Variants in RGP1 observed in about 807,000 individuals in gnomAD.
The protein encoded by RGP1 is RAB6A-GEF complex partner protein 2.
Under a neutral mutation model 44.5 loss-of-function variants are expected in RGP1, and 28 were observed. The observed-to-expected ratio is 0.63, with a 90% CI of 0.47 to 0.86. RGP1 has a LOEUF of 0.86. Among genes scored for constraint, RGP1 ranks in the 40% least tolerant of loss-of-function variants. The probability of loss-of-function intolerance (pLI) is 0.00; values close to 1 mark genes in which losing one functional copy is unlikely to be tolerated. For synonymous variants in RGP1, 212 were observed against 196.7 expected (o/e 1.08, Z -0.65); for missense variants, 417 against 490.7 (o/e 0.85, Z 1.42).
chr9:35,767,372 A>G, the RGP1 span, among the ~76,000 whole-genome samples: 1 of 149,010 alleles, frequency 6.7e-6, no homozygotes, highest in Non-Finnish European at 1.5e-5. Context: ...CCAGAGGACC[A>G]GATACCTTCT....
At chr9:35,752,361 A>G (rs61087814) in intron 8 of RGP1, among the ~76,000 whole-genome samples, 7,619 of 152,104 alleles carry the variant, frequency 0.05, 574 homozygotes, top group African/African-American at 0.17. Context: ...CCTTCCCCAC[A>G]CCTACCTACT....
the RGP1 span, among the ~76,000 whole-genome samples, chr9:35,789,351 G>A: frequency 7.9e-5 from 6 of 76,210 alleles, no homozygotes; most frequent in Admixed American, 3.0e-4. Flanking sequence ...TTTTTTTTTT[G>A]AGACAGGGTC....
At chr9:35,781,407 G>T in the RGP1 span, among the ~76,000 whole-genome samples, 41 of 122,388 alleles carry the variant, frequency 3.4e-4, no homozygotes, top group African/African-American at 1.2e-3. Flanking sequence ...GGGGTGGGGG[G>T]AGGGGGTGGG....
chr9:35,783,232 TATGAA>T, the RGP1 span, among the ~76,000 whole-genome samples: 1 of 152,204 alleles, frequency 6.6e-6, no homozygotes, highest in Admixed American at 6.5e-5. Flanking sequence ...TATACATACT[TATGAA>T]ATACAATGTG....
At chr9:35,786,452 A>G in the RGP1 span, among the ~76,000 whole-genome samples, 55,196 of 152,072 alleles carry the variant, frequency 0.36, 10,518 homozygotes, top group Middle Eastern at 0.51. Flanking sequence ...GAAACTATCT[A>G]TGTACCTAGG....
the RGP1 span, among the ~76,000 whole-genome samples, chr9:35,772,707 C>A: frequency 6.7e-6 from 1 of 150,202 alleles, no homozygotes; most frequent in East Asian, 2.0e-4. Context: ...AGGAGAATGG[C>A]GTGAACCTGG....
chr9:35,770,085 A>T, the RGP1 span, among the ~76,000 whole-genome samples: 1 of 152,214 alleles, frequency 6.6e-6, no homozygotes, highest in East Asian at 1.9e-4. Context: ...AAGTTAAGGG[A>T]TTGTTAATTA....
At position 35,749,799 on chromosome 9, in the gene RGP1, T is replaced by C; in HGVS notation, c.44T>C (p.Leu15Ser). The C allele has an allele frequency of 6.2e-7, 1 of 1,614,000 alleles. No individual in the cohort carries two copies. Among genetic ancestry groups the C allele is most frequent in the South Asian group, 1.1e-5 (1 of 91,084 alleles). ...GAGCTCAGCCGGGGTCCTGTATTTTTGGCTGGGGAGGCGCTGGAGTGTGTA... is the reference window on the plus strand; with the variant it reads ...GAGCTCAGCCGGGGTCCTGTATTTTCGGCTGGGGAGGCGCTGGAGTGTGTA... Reference protein sequence around the residue: ...VAELSRGPVFLAGEALECVVT... With the variant: ...VAELSRGPVFSAGEALECVVT... The change falls in exon 2 of 9, where the codon TTG becomes TCG. Residue 15 changes from leucine to serine, a missense_variant. Coordinates refer to ENST00000378078, the MANE Select transcript of RGP1 (RefSeq NM_001080496.3). The surrounding 1 kb of genome is among the most constrained non-coding windows in gnomAD (Gnocchi z 4.4).
chr9:35,758,742 T>C (rs931191027), downstream of RGP1, among the ~76,000 whole-genome samples: 4 of 152,164 alleles, frequency 2.6e-5, no homozygotes, highest in East Asian at 1.9e-4. Flanking sequence ...TCCTCTACTA[T>C]AAATTCTCTC....
At chr9:35,761,058 G>C (rs1827412285), downstream of RGP1, among the ~76,000 whole-genome samples, 1 of 152,234 alleles carries the variant, frequency 6.6e-6, no homozygotes, top group South Asian at 2.1e-4. Flanking sequence ...TCACAGACCT[G>C]GTAGTAGATT....
chr9:35,779,818 T>C, the RGP1 span, among the ~76,000 whole-genome samples: 1 of 152,158 alleles, frequency 6.6e-6, no homozygotes, highest in Non-Finnish European at 1.5e-5. Context: ...TATTGCAGCC[T>C]GAATCTCTTG....
chr9:35,776,380 G>A, the RGP1 span, among the ~76,000 whole-genome samples: 1 of 151,580 alleles, frequency 6.6e-6, no homozygotes, highest in Non-Finnish European at 1.5e-5. Context: ...TTCACCTCCT[G>A]GGTTCAATCA....
Position 35,754,119 on chromosome 9 carries a change from C to G in RGP1, c.*1245C>G. 6.2e-7 allele frequency: 1 copy of G among 1,612,974 alleles called. No homozygotes were observed. The highest frequency in any genetic ancestry group is 8.5e-7 in the Non-Finnish European group (1 of 1,179,364). The stretch of plus-strand genomic sequence containing the variant: ...CTTGGCCTGTCCAGCCCAGAGCATC[C>G]TTAGGGCCATTGCTGCTGCACAGCC... On this transcript the variant is annotated 3_prime_UTR_variant, in exon 9 of 9. Coordinates refer to ENST00000378078, the MANE Select transcript of RGP1 (RefSeq NM_001080496.3).
At position 35,749,802 on chromosome 9, in the gene RGP1, C is replaced by T; in HGVS notation, c.47C>T (p.Ala16Val). ...CTCAGCCGGGGTCCTGTATTTTTGG[C>T]TGGGGAGGCGCTGGAGTGTGTAGTG... ...AELSRGPVFL[A>V]GEALECVVTV... The change falls in exon 2 of 9, where the codon GCT becomes GTT. Residue 16 changes from alanine (A) to valine (V), a missense_variant. Transcript: ENST00000378078. This position sits in a 1 kb window ranked among gnomAD's most constrained non-coding sequence, Gnocchi z 4.4. 6.2e-7 allele frequency: 1 copy of T among 1,613,918 alleles called. No individual in the cohort carries two copies. The highest frequency in any genetic ancestry group is 8.5e-7 in the Non-Finnish European group (1 of 1,179,842).
rs1332573596 is a variant in RGP1 at position 35,756,529 on chromosome 9, G to A, written c.*3655G>A. On this transcript the variant is annotated 3_prime_UTR_variant, in exon 9 of 9. Transcript: ENST00000378078. ...GCAGGGTGCTCTGAGGTCGGCTGCG[G>A]TGTGGGAGGCACGGCCTGGGCCTGC... The A allele has an allele frequency of 6.5e-6, 1 of 152,982 alleles. No homozygotes were observed. The highest frequency in any genetic ancestry group is 1.5e-5 in the Non-Finnish European group (1 of 68,638). 9.5% of individuals were successfully genotyped at this position (152,982 alleles called of 1,614,324 possible).
the RGP1 span, among the ~76,000 whole-genome samples, chr9:35,787,498 G>A: frequency 6.6e-6 from 1 of 152,236 alleles, no homozygotes; most frequent in Non-Finnish European, 1.5e-5. Context: ...CCAAAGTGCT[G>A]GGATTACAGG....
rs1297748088 is a variant in RGP1, at chr9:35,758,126, C to T, written c.*5252C>T. 1 of 152,204 alleles carries T rather than the reference C, an allele frequency of 6.6e-6. No homozygotes were observed. Among genetic ancestry groups the T allele is most frequent in the Non-Finnish European group, 1.5e-5 (1 of 68,040 alleles). 9.4% of individuals were successfully genotyped at this position (152,204 alleles called of 1,614,324 possible). A position where few individuals can be genotyped will look rare whatever the true frequency, so the allele number is the denominator to read the frequency against. The stretch of plus-strand genomic sequence containing the variant: ...TGCTGCACTTCCACTTTTCCTCTCC[C>T]TCATTTTACTGTCTTTATTTTTAGC... On this transcript the variant is annotated 3_prime_UTR_variant, in exon 9 of 9. Transcript: ENST00000378078.
chr9:35,752,557 G>A, intron 8 of RGP1, 94 bp from the exon 9 acceptor site: 2 of 1,118,886 alleles, frequency 1.8e-6, no homozygotes, highest in Non-Finnish European at 2.6e-6. Context: ...CCTGAACACA[G>A]ATTGTTTTCT....
the RGP1 span, among the ~76,000 whole-genome samples, chr9:35,767,283 GTT>G: frequency 2.3e-4 from 25 of 108,414 alleles, no homozygotes; most frequent in Non-Finnish European, 3.3e-4. Flanking sequence ...AAGCAAATTG[GTT>G]TTTTTTTTTT....
Sources: gnomAD v4.1 joint callset for allele counts (sites outside exome capture counted in the v4.1 genomes callset) on GRCh38, gnomAD v4.1.1 for gene constraint, Gnocchi (gnomAD v3.1) non-coding constraint, MANE v1.5 for transcripts, NCBI Gene and HGNC (gene_info 2026-07-23, HGNC 2026-07-21) for gene names.